TSPEAR: variants seen among roughly 807,000 people sequenced by gnomAD.
The protein encoded by TSPEAR is thrombospondin type laminin G domain and EAR repeats.
Under a neutral mutation model 71.6 loss-of-function variants are expected in TSPEAR, and 69 were observed. The observed-to-expected ratio is 0.96, with a 90% CI of 0.79 to 1.18. The LOEUF is 1.18. Among genes scored for constraint, TSPEAR ranks in the 50% most tolerant of loss-of-function variants. The pLI is 0.00. For missense variants in TSPEAR, 971 were observed against 894.9 expected (o/e 1.09, Z -1.09); for synonymous variants, 402 against 387.2 (o/e 1.04, Z -0.45).
At position 44,551,546 on chromosome 21, in the gene TSPEAR, G is replaced by T. The variant is rs1444383117; in HGVS notation, c.303+16239C>A. Reference sequence around the variant, plus strand: ...TGTGAGTGAGTGTGTGTGTGAGCCTGTTGGCTGCTGGGGCTTTTATATGCC... The same window carrying T: ...TGTGAGTGAGTGTGTGTGTGAGCCTTTTGGCTGCTGGGGCTTTTATATGCC... On this transcript the variant is annotated intron_variant, in intron 2 of 11. Transcript: ENST00000323084. The T allele has an allele frequency of 2.0e-6, 3 of 1,516,962 alleles. No individual in the cohort carries two copies. The African/African-American group carries it at 4.2e-5, about 21-fold the overall frequency. The allele number at this position is 1,516,962 out of a possible 1,614,324, so 94.0% of individuals were successfully genotyped here.
chr21:44,566,031 T>G (rs1186167731), intron 2 of TSPEAR, among the ~76,000 whole-genome samples: 1 of 152,084 alleles, frequency 6.6e-6, no homozygotes, highest in African/African-American at 2.4e-5. Flanking sequence ...AATACAAAAA[T>G]TAGCTGGGCA....
chr21:44,654,189 G>T, intron 1 of TSPEAR: 3 of 1,089,420 alleles, frequency 2.8e-6, no homozygotes, highest in Middle Eastern at 2.9e-4. Flanking sequence ...GTTTGCTGTG[G>T]GAGGATGTGG....
chr21:44,655,739 T>C (rs587726731), intron 1 of TSPEAR, among the ~76,000 whole-genome samples: 1,690 of 151,022 alleles, frequency 0.011, 32 homozygotes, highest in African/African-American at 0.038. Flanking sequence ...TCTGTTCTCT[T>C]GATGGATTGG....
intron 1 of TSPEAR, among the ~76,000 whole-genome samples, chr21:44,592,986 G>A (rs77112810): frequency 7.9e-5 from 12 of 152,296 alleles, no homozygotes; most frequent in African/African-American, 2.9e-4. Flanking sequence ...GGTGGGGGTG[G>A]GGGGCAGCTG....
chr21:44,591,810 C>T (rs782122678), intron 1 of TSPEAR: 2 of 1,597,758 alleles, frequency 1.3e-6, no homozygotes, highest in African/African-American at 1.4e-5. Flanking sequence ...AGCAGGCCTG[C>T]TGGCAGGGGG....
intron 2 of TSPEAR, among the ~76,000 whole-genome samples, chr21:44,542,624 G>T (rs1435702960): frequency 1.3e-5 from 2 of 151,556 alleles, no homozygotes; most frequent in African/African-American, 2.4e-5. Flanking sequence ...TGGTACATTT[G>T]TAGTCCCAGC....
chr21:44,508,535 G>A (rs979372691), intron 10 of TSPEAR: 23 of 1,109,384 alleles, frequency 2.1e-5, no homozygotes, highest in Non-Finnish European at 2.6e-5. Flanking sequence ...TTTATTCACA[G>A]ACCGGAATTC....
intron 3 of TSPEAR, among the ~76,000 whole-genome samples, 191 bp from the exon 4 acceptor site, chr21:44,531,324 G>C (rs1555915749): frequency 6.6e-6 from 1 of 152,190 alleles, no homozygotes; most frequent in African/African-American, 2.4e-5. Flanking sequence ...GCTGGGGCAG[G>C]GTTTCTCCGA....
Position 44,567,895 on chromosome 21 carries a change from C to A in TSPEAR, c.193G>T (p.Ala65Ser), listed in dbSNP as rs76207741. Residue 65 changes from alanine to serine, a missense_variant, in exon 2 of 12, where the codon GCC (alanine) becomes TCC (serine). By Grantham distance (99) the Ala-to-Ser change is moderately conservative. Coordinates refer to ENST00000323084, the MANE Select transcript of TSPEAR (RefSeq NM_144991.3). ...GARGLQLSVA[A>S]PRTMSFPASR... ...GCTGGGAAGCTCATGGTGCGGGGGG[C>A]GGCTACTGAGAGCTGGAGTCCCCGT... The A allele has an allele frequency of 1.2e-6, 2 of 1,607,056 alleles. No individual in the cohort carries two copies. Among genetic ancestry groups the A allele is most frequent in the Admixed American group, 1.7e-5 (1 of 59,460 alleles).
intron 2 of TSPEAR, among the ~76,000 whole-genome samples, chr21:44,563,514 C>A (rs1353903747): frequency 6.6e-6 from 1 of 151,706 alleles, no homozygotes; most frequent in Non-Finnish European, 1.5e-5. Flanking sequence ...ATAAAGAAAT[C>A]AAAATGCTAC....
At chr21:44,646,144 A>AAAAC (rs1984337024) in intron 1 of TSPEAR, among the ~76,000 whole-genome samples, 1 of 150,492 alleles carries the variant, frequency 6.6e-6, no homozygotes, top group Non-Finnish European at 1.5e-5. Flanking sequence ...AAAAAAAAAA[A>AAAAC]AAAAAAAAAA....
chr21:44,630,789 T>C (rs143159967), intron 1 of TSPEAR, among the ~76,000 whole-genome samples: 3 of 152,228 alleles, frequency 2.0e-5, no homozygotes, highest in Non-Finnish European at 2.9e-5. Flanking sequence ...AAACATCTTT[T>C]GACTCCAGGT....
intron 1 of TSPEAR, among the ~76,000 whole-genome samples, chr21:44,639,254 C>T (rs1983877624): frequency 6.6e-6 from 1 of 152,220 alleles, no homozygotes; most frequent in South Asian, 2.1e-4. Context: ...CTGCCACCCT[C>T]CGTCCCAGAT....
At chr21:44,553,816 GCCTCAGGCTGA>G (rs2053484417) in intron 2 of TSPEAR, among the ~76,000 whole-genome samples, 2 of 152,294 alleles carry the variant, frequency 1.3e-5, no homozygotes, top group South Asian at 4.2e-4. Flanking sequence ...GAAATGAACT[GCCTCAGGCTGA>G]CCTCAGACCC....
At chr21:44,617,189 G>T (rs1982157789) in intron 1 of TSPEAR, among the ~76,000 whole-genome samples, 1 of 152,266 alleles carries the variant, frequency 6.6e-6, no homozygotes, top group African/African-American at 2.4e-5. Flanking sequence ...ACTCCTGGCA[G>T]GTGGCAGAGG....
chr21:44,612,415 G>T lies in TSPEAR; in HGVS notation c.83-44410C>A. The T allele has an allele frequency of 6.2e-7, 1 of 1,614,064 alleles. No homozygotes were observed. Among genetic ancestry groups the T allele is most frequent in the South Asian group, 1.1e-5 (1 of 91,084 alleles). On this transcript the variant is annotated intron_variant, in intron 1 of 11. Transcript: ENST00000323084. This position sits in a 1 kb window ranked among gnomAD's most constrained non-coding sequence, Gnocchi z 4.1. ...CATGCTGCCAGCAGTCTAGCTGCCA[G>T]CCGGCTTGCTGCACCTCCTCCCCCT...
At chr21:44,667,035 G>A in intron 1 of TSPEAR, 1 of 932,452 alleles carries the variant, frequency 1.1e-6, no homozygotes, top group Admixed American at 2.9e-5. Flanking sequence ...GCTGTCTCCT[G>A]GAGCTTAATT....
At chr21:44,538,160 C>T (rs2053123929) in intron 2 of TSPEAR, among the ~76,000 whole-genome samples, 11 of 152,196 alleles carry the variant, frequency 7.2e-5, no homozygotes, top group Admixed American at 6.5e-4. Flanking sequence ...GCGTTTTGGT[C>T]TCTGCAGCTG....
intron 1 of TSPEAR, among the ~76,000 whole-genome samples, chr21:44,569,913 G>A (rs187071196): frequency 4.5e-4 from 69 of 152,220 alleles, no homozygotes; most frequent in Middle Eastern, 3.4e-3. Context: ...TCAGGCTGGC[G>A]GAGGTTGGGG....
Sources: gnomAD v4.1 joint callset for allele counts (sites outside exome capture counted in the v4.1 genomes callset) on GRCh38, gnomAD v4.1.1 for gene constraint, Gnocchi (gnomAD v3.1) non-coding constraint, MANE v1.5 for transcripts, NCBI Gene and HGNC (gene_info 2026-07-23, HGNC 2026-07-21) for gene names.